The following MAPRE2 variants were observed in gnomAD, a reference collection of about 807,000 sequenced individuals.
MAPRE2 encodes the protein microtubule-associated protein RP/EB family member 2.
A neutral mutation model predicts 43.2 loss-of-function variants in MAPRE2; 13 were observed. The ratio of observed to expected loss-of-function variants is 0.30; its 90% CI spans 0.20 to 0.48. The LOEUF (loss-of-function observed/expected upper bound fraction) is 0.48. Among genes scored for constraint, MAPRE2 ranks in the 20% least tolerant of loss-of-function variants. MAPRE2 has a pLI of 0.99. For synonymous variants in MAPRE2, 135 were observed against 148.8 expected (o/e 0.91, Z 0.68); for missense variants, 161 against 400.2 (o/e 0.40, Z 5.10).
intron 6 of MAPRE2, among the ~76,000 whole-genome samples, chr18:35,136,247 G>A (rs1910387491): frequency 6.6e-6 from 1 of 152,144 alleles, no homozygotes; most frequent in Non-Finnish European, 1.5e-5. Flanking sequence ...TTGGTTACCT[G>A]CTCCCTGTGG....
intron 1 of MAPRE2, among the ~76,000 whole-genome samples, chr18:35,066,097 A>G (rs1276742752): frequency 6.6e-6 from 1 of 152,254 alleles, no homozygotes; most frequent in Non-Finnish European, 1.5e-5. Flanking sequence ...TGTAATAGTT[A>G]GTATGACCTT....
intron 1 of MAPRE2, among the ~76,000 whole-genome samples, chr18:35,069,528 A>G (rs2150622558): frequency 6.6e-6 from 1 of 152,284 alleles, no homozygotes; most frequent in East Asian, 1.9e-4. Flanking sequence ...TAAATCAAAC[A>G]AGATGGTCAA....
chr18:34,981,897 T>A lies in MAPRE2; in HGVS notation c.-70+4818T>A, dbSNP rs866831323. 4.2e-4 allele frequency among the ~76,000 whole-genome samples: 62 copies of A among 147,754 alleles called. 3 individuals are homozygous for A. Among genetic ancestry groups the A allele is most frequent in the African/African-American group, 1.3e-3 (50 of 39,040 alleles). On this transcript the variant is annotated intron_variant, in intron 1 of 7. Transcript: ENST00000413393. ...TTTTTATTTTTATTTATTTTTTTTT[T>A]TTTTTGAGACGGAGTCTCACTCTGT...
chr18:35,043,481 G>A (rs1905467041), intron 1 of MAPRE2, among the ~76,000 whole-genome samples: 1 of 152,016 alleles, frequency 6.6e-6, no homozygotes, highest in East Asian at 1.9e-4. Context: ...GTTACGTTTT[G>A]GTGACAGATT....
intron 1 of MAPRE2, among the ~76,000 whole-genome samples, chr18:35,044,362 C>CTGGGATTA (rs1163895106): frequency 6.6e-6 from 1 of 152,216 alleles, no homozygotes; most frequent in Non-Finnish European, 1.5e-5. Flanking sequence ...TCACGAGTAG[C>CTGGGATTA]TGGGATTACA....
intron 2 of MAPRE2, among the ~76,000 whole-genome samples, chr18:35,020,525 T>C (rs1373275796): frequency 6.7e-6 from 1 of 149,432 alleles, no homozygotes; most frequent in Non-Finnish European, 1.5e-5. Flanking sequence ...AGTGCTTAGC[T>C]TAGAGAAAAG....
chr18:35,088,153 G>A (rs1011664764), intron 2 of MAPRE2, among the ~76,000 whole-genome samples: 1 of 152,144 alleles, frequency 6.6e-6, no homozygotes, highest in East Asian at 1.9e-4. Context: ...CAACATAAGA[G>A]TTAATACAAT....
intron 2 of MAPRE2, among the ~76,000 whole-genome samples, chr18:35,032,129 G>C (rs1444272093): frequency 1.3e-5 from 2 of 152,086 alleles, no homozygotes; most frequent in African/African-American, 4.8e-5. Flanking sequence ...GATAACTACT[G>C]TACCTGCCAT....
At chr18:35,077,359 A>T (rs1907421098) in intron 2 of MAPRE2, among the ~76,000 whole-genome samples, 1 of 152,190 alleles carries the variant, frequency 6.6e-6, no homozygotes, top group Non-Finnish European at 1.5e-5. Context: ...AAATTCCCAG[A>T]TGTCATAGTT....
intron 4 of MAPRE2, among the ~76,000 whole-genome samples, chr18:35,105,910 C>A (rs557612861): frequency 6.6e-6 from 1 of 152,234 alleles, no homozygotes; most frequent in Admixed American, 6.5e-5. Flanking sequence ...AGGTCCCTTA[C>A]AATTCTTAGA....
Position 35,069,616 on chromosome 18 carries a change from A to G in MAPRE2, c.123-579A>G, listed in dbSNP as rs536093876. On this transcript the variant is annotated intron_variant, in intron 1 of 6. Transcript: ENST00000300249. ...TTCTCTCTCCTTTTGCATGTATTTG[A>G]AAGTTTCCAAAATAGAAGTTAATAC... 1.2e-4 allele frequency among the ~76,000 whole-genome samples: 19 copies of G among 152,284 alleles called. No individual in the cohort carries two copies. The East Asian group carries it at 2.5e-3, about 20-fold the overall frequency.
chr18:34,980,031 C>CTTTTTTTTTTTTTTTTTTTT (rs796434537), intron 1 of MAPRE2, among the ~76,000 whole-genome samples: 64 of 46,134 alleles, frequency 1.4e-3, no homozygotes, highest in Non-Finnish European at 1.8e-3. Context: ...TTCTTTTTTT[C>CTTTTTTTTTTTTTTTTTTTT]TTTTTTTTTT....
intron 2 of MAPRE2, among the ~76,000 whole-genome samples, chr18:35,016,716 A>G (rs1428133347): frequency 6.6e-6 from 1 of 151,936 alleles, no homozygotes; most frequent in Non-Finnish European, 1.5e-5. Context: ...CCTTTGTTGG[A>G]TGCATAGTTT....
chr18:35,129,874 G>T (rs1377453865), intron 5 of MAPRE2, among the ~76,000 whole-genome samples: 1 of 152,230 alleles, frequency 6.6e-6, no homozygotes, highest in East Asian at 1.9e-4. Context: ...GAGGGATGAG[G>T]CTGGCATTGG....
chr18:35,102,132 T>C lies in MAPRE2; in HGVS notation c.583T>C (p.Ser195Pro), dbSNP rs1908707256. Residue 195 changes from serine to proline, a missense_variant, in exon 4 of 7, where the codon TCT (serine) becomes CCT (proline). Physicochemically the swap from Ser to Pro is moderately conservative, Grantham distance 74. Coordinates refer to ENST00000300249, the MANE Select transcript of MAPRE2 (RefSeq NM_014268.4). The part of the protein sequence containing the change: ...GEQIFNLPKK[S>P]HHANSPTAGA... ...ACAGATCTTCAACCTGCCAAAAAAG[T>C]CTCACCATGCAAACTCCCCCACAGC... 1 of 1,603,252 alleles carries C rather than the reference T, an allele frequency of 6.2e-7. No individual in the cohort carries two copies.
At position 35,097,604 on chromosome 18, in the gene MAPRE2, T is replaced by A. The variant is rs1346293116; in HGVS notation, c.396+13T>A. The A allele has an allele frequency of 6.2e-7, 1 of 1,603,036 alleles. No individual in the cohort carries two copies. On this transcript the variant is annotated intron_variant, in intron 3 of 6. Transcript: ENST00000300249. ...GAACGTTGATAAGGTAGGAGACTTG[T>A]ACCTCCATAAAATGTGTTGTTTTTT...
intron 1 of MAPRE2, among the ~76,000 whole-genome samples, chr18:35,057,245 C>T (rs1176591915): frequency 6.6e-6 from 1 of 152,076 alleles, no homozygotes; most frequent in Non-Finnish European, 1.5e-5. Flanking sequence ...GAACTCCTGA[C>T]CTCAGGTGAT....
chr18:35,089,676 C>A (rs555370173), intron 2 of MAPRE2, among the ~76,000 whole-genome samples: 1 of 152,166 alleles, frequency 6.6e-6, no homozygotes, highest in African/African-American at 2.4e-5. Flanking sequence ...GTGGAGCCCT[C>A]ATCTGTTGCT....
intron 4 of MAPRE2, among the ~76,000 whole-genome samples, chr18:35,123,007 T>A: frequency 6.6e-6 from 1 of 152,234 alleles, no homozygotes; most frequent in Non-Finnish European, 1.5e-5. Flanking sequence ...CATCAGTAAC[T>A]GCAGCAGCTG....
Sources: gnomAD v4.1 joint callset for allele counts (sites outside exome capture counted in the v4.1 genomes callset) on GRCh38, gnomAD v4.1.1 for gene constraint, MANE v1.5 for transcripts, NCBI Gene and HGNC (gene_info 2026-07-23, HGNC 2026-07-21) for gene names.